The following EFCAB11 variants were observed in gnomAD, a reference collection of about 807,000 sequenced individuals.
The protein encoded by EFCAB11 is EF-hand calcium-binding domain-containing protein 11.
In EFCAB11, 14 loss-of-function variants were observed where a neutral mutation model predicts 23.0. The observed-to-expected ratio is 0.61, with a 90% CI of 0.40 to 0.95. EFCAB11 has a LOEUF of 0.95. EFCAB11 is among the 40% of genes least tolerant of loss of function. EFCAB11 has a pLI of 0.00. For synonymous variants in EFCAB11, 65 were observed against 66.6 expected, an observed-to-expected ratio of 0.98 and a Z score of 0.11; for missense variants, 198 against 195.8, an observed-to-expected ratio of 1.01 and a Z score of -0.07.
At chr14:89,859,365 G>T (rs554507683) in intron 5 of EFCAB11, among the ~76,000 whole-genome samples, 1 of 152,116 alleles carries the variant, frequency 6.6e-6, no homozygotes, top group African/African-American at 2.4e-5. Flanking sequence ...TCTAATTTCT[G>T]CCAGAATCAG....
chr14:89,898,911 C>A (rs1195393354), intron 5 of EFCAB11, among the ~76,000 whole-genome samples: 1 of 151,568 alleles, frequency 6.6e-6, no homozygotes, highest in East Asian at 1.9e-4. Context: ...TGGCCTCAAG[C>A]CATCCTCCCA....
chr14:89,879,945 T>C lies in EFCAB11; in HGVS notation c.410+51596A>G, dbSNP rs72695709. Among the ~76,000 whole-genome samples the C allele has an allele frequency of 5.3e-3, 812 of 152,332 alleles. 4 individuals carry two copies. The highest frequency in any genetic ancestry group is 0.01 in the Middle Eastern group (3 of 294). On this transcript the variant is annotated intron_variant, in intron 5 of 5. Transcript: ENST00000316738. ...ACGTATAAACTCTCCAGAACAAACC[T>C]GTTCTATCAAAAATGCCAAATATAT...
At chr14:89,799,957 G>C (rs571604636) in intron 5 of EFCAB11, among the ~76,000 whole-genome samples, 1 of 152,082 alleles carries the variant, frequency 6.6e-6, no homozygotes, top group Non-Finnish European at 1.5e-5. Context: ...AGGCCCAGGC[G>C]GGTGGATCAC....
At chr14:89,860,887 C>T (rs1887899913) in intron 5 of EFCAB11, among the ~76,000 whole-genome samples, 1 of 152,174 alleles carries the variant, frequency 6.6e-6, no homozygotes, top group Non-Finnish European at 1.5e-5. Context: ...CTTGAAGTGA[C>T]TGAAGGATCT....
Position 89,828,501 on chromosome 14 carries a change from A to G in EFCAB11, c.411-31177T>C, listed in dbSNP as rs140562136. Among the ~76,000 whole-genome samples the G allele has an allele frequency of 2.7e-3, 404 of 152,308 alleles. 4 individuals are homozygous for G. The East Asian group carries it at 0.039, about 15-fold the overall frequency. ...AGAAACCAAGACCCAAAGAGTTCAT[A>G]GTGCTTTTCCCCAGAACTATGATCC... On this transcript the variant is annotated intron_variant, in intron 5 of 5. Coordinates refer to ENST00000316738, the MANE Select transcript of EFCAB11 (RefSeq NM_145231.4).
intron 5 of EFCAB11, among the ~76,000 whole-genome samples, chr14:89,808,733 C>T (rs1886056366): frequency 6.6e-6 from 1 of 152,204 alleles, no homozygotes; most frequent in South Asian, 2.1e-4. Flanking sequence ...TTATCAAAAA[C>T]ACTCTATTAA....
chr14:89,824,875 A>G (rs906908797), intron 5 of EFCAB11, among the ~76,000 whole-genome samples: 2 of 152,066 alleles, frequency 1.3e-5, no homozygotes, highest in African/African-American at 4.8e-5. Context: ...ACATCGAGAG[A>G]ACTAAAAGGA....
chr14:89,925,955 A>AGTAGCTGGGATTACAGG (rs2139796623), intron 5 of EFCAB11, among the ~76,000 whole-genome samples: 1 of 152,166 alleles, frequency 6.6e-6, no homozygotes, highest in Non-Finnish European at 1.5e-5. Flanking sequence ...CAGCCTCCTG[A>AGTAGCTGGGATTACAGG]GTAGCTGGGA....
At chr14:89,859,421 C>A (rs751436642) in intron 5 of EFCAB11, among the ~76,000 whole-genome samples, 14 of 152,210 alleles carry the variant, frequency 9.2e-5, no homozygotes, top group Non-Finnish European at 2.1e-4. Context: ...CCTCAAGGAA[C>A]TCACGGAGGA....
chr14:89,836,514 A>T (rs1566778105), intron 5 of EFCAB11: 4 of 455,934 alleles, frequency 8.8e-6, no homozygotes, highest in Non-Finnish European at 1.3e-5. Context: ...GTGTGTCCAC[A>T]CAGTGTGTAA....
intron 5 of EFCAB11, 21 bp downstream of exon 5, chr14:89,931,520 A>C (rs1648750913): frequency 6.3e-7 from 1 of 1,597,474 alleles, no homozygotes; most frequent in Admixed American, 1.7e-5. Flanking sequence ...GGTGGTGTAC[A>C]GAAGGATTTT....
intron 5 of EFCAB11, among the ~76,000 whole-genome samples, chr14:89,909,964 C>A (rs1396872499): frequency 6.6e-6 from 1 of 152,162 alleles, no homozygotes; most frequent in African/African-American, 2.4e-5. Context: ...CCCCAGTCTG[C>A]AGCAAGCGTT....
intron 5 of EFCAB11, among the ~76,000 whole-genome samples, chr14:89,841,626 C>T (rs959816921): frequency 7.2e-5 from 11 of 152,050 alleles, no homozygotes; most frequent in African/African-American, 2.7e-4. Context: ...CTGCTGACCC[C>T]GCCCCCTCCT....
At chr14:89,806,598 C>T (rs1036427492) in intron 5 of EFCAB11, among the ~76,000 whole-genome samples, 1 of 152,160 alleles carries the variant, frequency 6.6e-6, no homozygotes, top group Non-Finnish European at 1.5e-5. Context: ...TTCCATTCTT[C>T]CCCCCATGCC....
chr14:89,846,101 G>C (rs779629667), intron 5 of EFCAB11, among the ~76,000 whole-genome samples: 1 of 152,178 alleles, frequency 6.6e-6, no homozygotes, highest in African/African-American at 2.4e-5. Context: ...CCTATCTTGC[G>C]GAGTTATAAG....
intron 5 of EFCAB11, among the ~76,000 whole-genome samples, chr14:89,879,123 T>A (rs1888528275): frequency 6.6e-6 from 1 of 151,222 alleles, no homozygotes; most frequent in South Asian, 2.1e-4. Flanking sequence ...ATTTAGCCCA[T>A]TTTTTTTTCT....
At chr14:89,891,505 C>G (rs553926699) in intron 5 of EFCAB11, among the ~76,000 whole-genome samples, 40 of 152,134 alleles carry the variant, frequency 2.6e-4, no homozygotes, top group Non-Finnish European at 4.0e-4. Context: ...CAAGAGGTTT[C>G]TGATTATGTT....
intron 5 of EFCAB11, among the ~76,000 whole-genome samples, chr14:89,813,638 C>G (rs955512297): frequency 6.7e-6 from 1 of 149,850 alleles, no homozygotes; most frequent in African/African-American, 2.5e-5. Flanking sequence ...CCACCTCCCA[C>G]CCCCTGCCCC....
intron 5 of EFCAB11, among the ~76,000 whole-genome samples, chr14:89,890,405 A>G (rs540432921): frequency 6.6e-6 from 1 of 152,356 alleles, no homozygotes; most frequent in East Asian, 1.9e-4. Context: ...CAGAATTACT[A>G]AGCTTTAGAA....
Sources: allele counts gnomAD v4.1 joint callset (sites outside exome capture counted in the v4.1 genomes callset), GRCh38; gene constraint gnomAD v4.1.1; transcripts MANE v1.5; gene names NCBI Gene and HGNC (gene_info 2026-07-23, HGNC 2026-07-21).